Variants in MFHAS1 observed in about 807,000 individuals in gnomAD.
MFHAS1 encodes multifunctional ROCO family signaling regulator 1.
In MFHAS1, 50 loss-of-function variants were observed where a neutral mutation model predicts 70.4. The ratio of observed to expected loss-of-function variants is 0.71; its 90% CI spans 0.57 to 0.90. MFHAS1 has a LOEUF of 0.90. MFHAS1 is among the 40% of genes least tolerant of loss of function. The pLI, the probability that MFHAS1 is intolerant of heterozygous loss-of-function variation, is 0.00. For synonymous variants in MFHAS1, 952 were observed against 620.0 expected (o/e 1.54, Z -7.96); for missense variants, 1,795 against 1,347.6 (o/e 1.33, Z -5.20).
chr8:8,850,806 C>T (rs1048365553), intron 1 of MFHAS1, among the ~76,000 whole-genome samples: 2 of 118,892 alleles, frequency 1.7e-5, no homozygotes, highest in African/African-American at 6.4e-5. Context: ...AGTGAAACTC[C>T]GTCTCAAAAA....
intron 1 of MFHAS1, among the ~76,000 whole-genome samples, chr8:8,883,725 A>AAAAAAAG (rs1809625393): frequency 1.3e-5 from 2 of 149,304 alleles, no homozygotes; most frequent in African/African-American, 5.0e-5. Context: ...AAAAAAAAAA[A>AAAAAAAG]AAAAAAGAAA....
chr8:8,891,267 C>A lies in MFHAS1; in HGVS notation c.1792G>T (p.Val598Phe). Residue 598 changes from valine (V) to phenylalanine (F), a missense_variant, in exon 1 of 3, where the codon GTT (valine) becomes TTT (phenylalanine). Coordinates refer to ENST00000276282, the MANE Select transcript of MFHAS1 (RefSeq NM_004225.3). The surrounding 1 kb of genome is among the most constrained non-coding windows in gnomAD (Gnocchi z 5.4). ...CGCCGTCGAAGGTTCTTGTCCGAAA[C>A]GCCATAGTAGGCTGCGTGGGGGCTG... Reference protein sequence around the residue: ...SASPHAAYYGVSDKNLRRRKA... With the variant: ...SASPHAAYYGFSDKNLRRRKA... 1 of 1,612,112 alleles carries A rather than the reference C, an allele frequency of 6.2e-7. No individual in the cohort carries two copies. Among genetic ancestry groups the A allele is most frequent in the Non-Finnish European group, 8.5e-7 (1 of 1,180,026 alleles).
chr8:8,872,018 G>C (rs188745008), intron 1 of MFHAS1, among the ~76,000 whole-genome samples: 1 of 152,116 alleles, frequency 6.6e-6, no homozygotes, highest in Non-Finnish European at 1.5e-5. Flanking sequence ...TCAAAGGAGG[G>C]AGAAGGAAGG....
intron 1 of MFHAS1, among the ~76,000 whole-genome samples, chr8:8,808,356 T>G (rs962370818): frequency 6.6e-6 from 1 of 151,996 alleles, no homozygotes; most frequent in Non-Finnish European, 1.5e-5. Context: ...CTGTAAACGC[T>G]CCCCACCTGC....
chr8:8,835,820 G>C (rs1004679722), intron 1 of MFHAS1, among the ~76,000 whole-genome samples: 59 of 152,168 alleles, frequency 3.9e-4, no homozygotes, highest in African/African-American at 1.4e-3. Flanking sequence ...TGATTATTTA[G>C]AACAAAAGTT....
At chr8:8,792,126 T>C (rs1805738094) in intron 2 of MFHAS1, among the ~76,000 whole-genome samples, 1 of 152,140 alleles carries the variant, frequency 6.6e-6, no homozygotes, top group East Asian at 1.9e-4. Context: ...TAGTCCCAGC[T>C]ACTCGGCAGG....
At chr8:8,817,711 G>A (rs941198637) in intron 1 of MFHAS1, among the ~76,000 whole-genome samples, 5 of 152,220 alleles carry the variant, frequency 3.3e-5, no homozygotes, top group Non-Finnish European at 5.9e-5. Context: ...GGCGGAGGAG[G>A]GGGATGGTTT....
intron 1 of MFHAS1, among the ~76,000 whole-genome samples, chr8:8,884,776 C>T (rs999096275): frequency 6.6e-6 from 1 of 152,162 alleles, no homozygotes; most frequent in Non-Finnish European, 1.5e-5. Context: ...CAGCGAAACC[C>T]TGTCTCTACA....
chr8:8,891,327 C>T lies in MFHAS1; in HGVS notation c.1732G>A (p.Glu578Lys), dbSNP rs775924626. The change falls in exon 1 of 3, where the codon GAG (glutamate) becomes AAG (lysine). Residue 578 changes from glutamate to lysine, a missense_variant. By Grantham distance (56) the Glu-to-Lys change is moderately conservative. Coordinates refer to ENST00000276282, the MANE Select transcript of MFHAS1 (RefSeq NM_004225.3). This position sits in a 1 kb window ranked among gnomAD's most constrained non-coding sequence, Gnocchi z 5.4. ...GLSRLAKVVD[E>K]ALARDFELRS... Reference sequence around the variant, plus strand: ...AGCTCGAAGTCCCGGGCCAGTGCCTCGTCCACCACCTTGGCCAAGCGGCTC... The same window carrying T: ...AGCTCGAAGTCCCGGGCCAGTGCCTTGTCCACCACCTTGGCCAAGCGGCTC... 6.2e-7 allele frequency: 1 copy of T among 1,611,208 alleles called. No individual in the cohort carries two copies. The highest frequency in any genetic ancestry group is 8.5e-7 in the Non-Finnish European group (1 of 1,180,026).
chr8:8,786,405 T>C (rs1805543601), intron 2 of MFHAS1, among the ~76,000 whole-genome samples: 1 of 152,182 alleles, frequency 6.6e-6, no homozygotes, highest in African/African-American at 2.4e-5. Context: ...ACTGTTTCCT[T>C]TCAATAAACA....
intron 1 of MFHAS1, among the ~76,000 whole-genome samples, chr8:8,856,744 C>A (rs970857691): frequency 1.3e-5 from 2 of 152,032 alleles, no homozygotes; most frequent in Non-Finnish European, 2.9e-5. Flanking sequence ...ACTCAGCAGA[C>A]CCCCATGATG....
chr8:8,821,660 T>C (rs1806961757), intron 1 of MFHAS1, among the ~76,000 whole-genome samples: 2 of 152,224 alleles, frequency 1.3e-5, no homozygotes, highest in African/African-American at 2.4e-5. Context: ...ACTTGATGTA[T>C]ATTAAATCCT....
intron 1 of MFHAS1, among the ~76,000 whole-genome samples, chr8:8,871,539 T>C (rs562853136): frequency 2.0e-5 from 3 of 152,242 alleles, no homozygotes; most frequent in African/African-American, 7.2e-5. Flanking sequence ...AACAGAGTGA[T>C]CACAAACACG....
chr8:8,806,119 C>A (rs774745204), intron 1 of MFHAS1, among the ~76,000 whole-genome samples: 1 of 152,198 alleles, frequency 6.6e-6, no homozygotes, highest in Non-Finnish European at 1.5e-5. Context: ...CTTCCTCCTG[C>A]TTTCTCTGTT....
rs11777085 is a variant in MFHAS1, at chr8:8,814,919, G to T, written c.2999-17428C>A. Among the ~76,000 whole-genome samples the T allele has an allele frequency of 6.7e-3, 1,006 of 150,300 alleles. 14 individuals are homozygous for T. The highest frequency in any genetic ancestry group is 0.022 in the African/African-American group (915 of 40,764). The stretch of plus-strand genomic sequence containing the variant: ...ACAGGATGTGCAGGTTTGTTACATG[G>T]GTAAACGTGTGCCATGGGAGTTTGC... On this transcript the variant is annotated intron_variant, in intron 1 of 2. Transcript: ENST00000276282.
intron 2 of MFHAS1, among the ~76,000 whole-genome samples, chr8:8,788,857 C>A (rs901175871): frequency 3.3e-5 from 5 of 152,140 alleles, no homozygotes; most frequent in African/African-American, 4.8e-5. Flanking sequence ...GAGGCAGCCA[C>A]GGCCCACCAC....
Position 8,840,063 on chromosome 8 carries a change from T to C in MFHAS1, c.2999-42572A>G, listed in dbSNP as rs79432489. The stretch of plus-strand genomic sequence containing the variant: ...GTTTGTACAGTGTAACTCAATGTTT[T>C]TAAGGAATTGTTATCCATCAAAAGA... On this transcript the variant is annotated intron_variant, in intron 1 of 2. Coordinates refer to ENST00000276282, the MANE Select transcript of MFHAS1 (RefSeq NM_004225.3). 2.1e-3 allele frequency among the ~76,000 whole-genome samples: 327 copies of C among 152,312 alleles called. 2 individuals carry two copies. The highest frequency in any genetic ancestry group is 3.8e-3 in the Non-Finnish European group (256 of 68,024).
intron 1 of MFHAS1, among the ~76,000 whole-genome samples, chr8:8,806,507 C>G (rs1806293793): frequency 2.0e-5 from 3 of 152,142 alleles, no homozygotes; most frequent in African/African-American, 7.2e-5. Flanking sequence ...AGAACAATAG[C>G]AAAGTAAAAT....
At chr8:8,806,000 G>A (rs1364603371) in intron 1 of MFHAS1, among the ~76,000 whole-genome samples, 1 of 151,302 alleles carries the variant, frequency 6.6e-6, no homozygotes, top group African/African-American at 2.4e-5. Flanking sequence ...GTGCCTGGCC[G>A]TTTGGGGGTT....
Sources: gnomAD v4.1 joint callset for allele counts (sites outside exome capture counted in the v4.1 genomes callset) on GRCh38, gnomAD v4.1.1 for gene constraint, Gnocchi (gnomAD v3.1) non-coding constraint, MANE v1.5 for transcripts, NCBI Gene and HGNC (gene_info 2026-07-23, HGNC 2026-07-21) for gene names.